The following FBN2 variants were observed in gnomAD, a reference collection of about 807,000 sequenced individuals.
The protein encoded by FBN2 is fibrillin-2.
In FBN2, 105 loss-of-function variants were observed where a neutral mutation model predicts 355.6. The observed-to-expected ratio is 0.30, with a 90% CI of 0.25 to 0.35. The LOEUF is 0.35. Among genes scored for constraint, FBN2 ranks in the 10% least tolerant of loss-of-function variants. FBN2 has a pLI of 1.00. For synonymous variants in FBN2, 1,350 were observed against 1,301.2 expected (o/e 1.04, Z -0.81); for missense variants, 3,280 against 3,758.7 (o/e 0.87, Z 3.33).
chr5:128,515,533 G>A (rs1351658807), intron 5 of FBN2, among the ~76,000 whole-genome samples: 2 of 152,154 alleles, frequency 1.3e-5, no homozygotes, highest in African/African-American at 2.4e-5. Flanking sequence ...CAGAGATGGA[G>A]TGACTCCTTC....
At chr5:128,383,324 AT>A (rs1456570123) in intron 11 of FBN2, among the ~76,000 whole-genome samples, 4 of 152,258 alleles carry the variant, frequency 2.6e-5, no homozygotes, top group African/African-American at 9.6e-5. Flanking sequence ...ATTAAAAAAA[AT>A]GAATTCAAAA....
intron 5 of FBN2, among the ~76,000 whole-genome samples, chr5:128,487,151 A>G (rs1755360332): frequency 6.6e-6 from 1 of 152,144 alleles, no homozygotes; most frequent in Non-Finnish European, 1.5e-5. Context: ...TCCAGGCCAA[A>G]GTGTTTAAGG....
At chr5:128,291,904 T>C (rs1280753237) in intron 48 of FBN2, among the ~76,000 whole-genome samples, 6 of 152,272 alleles carry the variant, frequency 3.9e-5, no homozygotes, top group Middle Eastern at 3.4e-3. Context: ...TATGTATGTC[T>C]ACCTGCCTAC....
rs559433199 is a variant in FBN2, at chr5:128,451,692, G to A, written c.827-5086C>T. On this transcript the variant is annotated intron_variant, in intron 6 of 64. Coordinates refer to ENST00000262464, the MANE Select transcript of FBN2 (RefSeq NM_001999.4). ...TGAGATTACAGGCATGAGCCACTGC[G>A]CACAGCCTTAAACCTCATTTTTAAA... Among the ~76,000 whole-genome samples the A allele has an allele frequency of 1.7e-4, 26 of 152,198 alleles. No individual in the cohort carries two copies. In the East Asian group the frequency reaches 3.7e-3, roughly 22 times the overall value.
intron 25 of FBN2, among the ~76,000 whole-genome samples, chr5:128,339,525 C>T (rs919707209): frequency 3.3e-5 from 5 of 151,848 alleles, no homozygotes; most frequent in African/African-American, 9.7e-5. Context: ...CACGGAGTTA[C>T]GATGTATGAT....
chr5:128,386,139 G>A (rs1032333411), intron 11 of FBN2, among the ~76,000 whole-genome samples: 1 of 152,024 alleles, frequency 6.6e-6, no homozygotes. Context: ...TTCGTCTAGA[G>A]TTTTTATAGT....
At chr5:128,367,653 C>G (rs532590398) in intron 16 of FBN2, among the ~76,000 whole-genome samples, 7 of 150,474 alleles carry the variant, frequency 4.7e-5, no homozygotes, top group Non-Finnish European at 1.0e-4. Flanking sequence ...ATATTTTTTT[C>G]TGAAAGTTAT....
At chr5:128,337,938 G>C in intron 27 of FBN2, 59 bp downstream of exon 27, 1 of 1,594,374 alleles carries the variant, frequency 6.3e-7, no homozygotes, top group Non-Finnish European at 8.6e-7. Flanking sequence ...TGTCAGAACT[G>C]ATCCCTGGTC....
chr5:128,431,114 C>T (rs921892138), intron 7 of FBN2, among the ~76,000 whole-genome samples: 9 of 151,932 alleles, frequency 5.9e-5, no homozygotes, highest in South Asian at 2.1e-4. Flanking sequence ...AGTAATATAA[C>T]GAAGAGTAGA....
At position 128,305,592 on chromosome 5, in the gene FBN2, C is replaced by T; in HGVS notation, c.5593G>A (p.Ala1865Thr). ...CTACCAGGACTATTGATGCAGTCTG[C>T]ATTCCGCTGGCAGAGATTATCACCA... Reference protein sequence around the residue: ...SNGDNLCQRNADCINSPGSYR... With the variant: ...SNGDNLCQRNTDCINSPGSYR... Residue 1865 changes from alanine (A) to threonine (T), a missense_variant, in exon 44 of 65, where the codon GCA (alanine) becomes ACA (threonine). Ala to Thr is a moderately conservative substitution (Grantham distance 58). This residue lies in a region of FBN2 where 2,284 missense variants were observed against 2,749.5 expected (regional missense o/e 0.83). Transcript: ENST00000262464. 1 of 1,613,992 alleles carries T rather than the reference C, an allele frequency of 6.2e-7. No homozygotes were observed. Among genetic ancestry groups the T allele is most frequent in the Non-Finnish European group, 8.5e-7 (1 of 1,179,894 alleles).
chr5:128,414,776 C>T (rs1223943342), intron 7 of FBN2, among the ~76,000 whole-genome samples: 1 of 152,116 alleles, frequency 6.6e-6, no homozygotes, highest in Non-Finnish European at 1.5e-5. Flanking sequence ...CCTTCATACA[C>T]ACCACATCCT....
intron 16 of FBN2, 47 bp downstream of exon 16, chr5:128,369,135 G>C (rs1290976405): frequency 6.3e-7 from 1 of 1,590,676 alleles, no homozygotes; most frequent in Non-Finnish European, 8.6e-7. Context: ...ATCTAAGGTT[G>C]TATTTCTTGA....
At chr5:128,504,765 A>G (rs1755909393) in intron 5 of FBN2, among the ~76,000 whole-genome samples, 1 of 152,184 alleles carries the variant, frequency 6.6e-6, no homozygotes. Context: ...TTTTAGGTTA[A>G]TGCTAGAATG....
At chr5:128,371,561 C>T (rs1166209187) in intron 15 of FBN2, among the ~76,000 whole-genome samples, 1 of 145,512 alleles carries the variant, frequency 6.9e-6, no homozygotes, top group Non-Finnish European at 1.5e-5. Context: ...TGGAGTCTCG[C>T]TCTGTCGCCC....
intron 62 of FBN2, among the ~76,000 whole-genome samples, chr5:128,270,272 A>C (rs888062840): frequency 2.0e-5 from 3 of 152,224 alleles, no homozygotes; most frequent in Non-Finnish European, 2.9e-5. Flanking sequence ...CATGCTTGTA[A>C]TCCCAGCACT....
chr5:128,534,356 A>G lies in FBN2; in HGVS notation c.337+2046T>C, dbSNP rs147238888. ...TTACCTCTACATATGATCATTTTAA[A>G]TGTCAGACTAATTGAACTACTGAAT... On this transcript the variant is annotated intron_variant, in intron 2 of 64. Coordinates refer to ENST00000262464, the MANE Select transcript of FBN2 (RefSeq NM_001999.4). Among the ~76,000 whole-genome samples, 281 of 152,314 alleles carry G rather than the reference A, an allele frequency of 1.8e-3. 1 individual carries two copies. Among genetic ancestry groups the G allele is most frequent in the African/African-American group, 6.4e-3 (265 of 41,572 alleles).
chr5:128,404,703 G>C (rs1354751901), intron 8 of FBN2, among the ~76,000 whole-genome samples: 2 of 152,232 alleles, frequency 1.3e-5, no homozygotes, highest in Non-Finnish European at 2.9e-5. Context: ...AGCTGCATAA[G>C]ACAGGGCCTA....
intron 5 of FBN2, among the ~76,000 whole-genome samples, chr5:128,485,335 C>G (rs961198262): frequency 6.6e-6 from 1 of 152,074 alleles, no homozygotes. Context: ...CAGAAGGAAA[C>G]ATTTAAAAAG....
In FBN2 at chr5:128,432,582, A is replaced by G. The variant is rs191096275; in HGVS notation, c.952+13899T>C. Among the ~76,000 whole-genome samples the G allele has an allele frequency of 2.8e-3, 429 of 152,278 alleles. 1 individual carries two copies. Among genetic ancestry groups the G allele is most frequent in the Middle Eastern group, 0.01 (3 of 294 alleles). ...TATTTACTATCTGGCTCTTCACAGA[A>G]AAGTTTGCCAAGCCCTGATCTAGAA... On this transcript the variant is annotated intron_variant, in intron 7 of 64. Coordinates refer to ENST00000262464, the MANE Select transcript of FBN2 (RefSeq NM_001999.4).
Sources: allele counts gnomAD v4.1 joint callset (sites outside exome capture counted in the v4.1 genomes callset), GRCh38; gene constraint gnomAD v4.1.1; regional missense constraint gnomAD v4.1.1; transcripts MANE v1.5; gene names NCBI Gene and HGNC (gene_info 2026-07-23, HGNC 2026-07-21).